Variants in KLHL26 observed in about 807,000 individuals in gnomAD.
KLHL26 encodes kelch-like protein 26.
KLHL26 carries 4 observed loss-of-function variants against 7.1 expected under a neutral mutation model. The ratio of observed to expected loss-of-function variants is 0.56; its 90% confidence interval spans 0.28 to 1.28. KLHL26 has a LOEUF of 1.28. KLHL26 is among the 50% of genes most tolerant of loss of function. The pLI, the probability that KLHL26 is intolerant of heterozygous loss-of-function variation, is 0.11. For synonymous variants in KLHL26, 465 were observed against 414.1 expected, an observed-to-expected ratio of 1.12 and a Z score of -1.49; for missense variants, 896 against 924.6, an observed-to-expected ratio of 0.97 and a Z score of 0.40.
intron 1 of KLHL26, among the ~76,000 whole-genome samples, chr19:18,662,723 C>T (rs946019581): frequency 2.0e-5 from 3 of 152,082 alleles, no homozygotes; most frequent in Non-Finnish European, 4.4e-5. Flanking sequence ...TAGGGGAGAG[C>T]GGCCCATGAG....
intron 1 of KLHL26, among the ~76,000 whole-genome samples, chr19:18,645,877 G>A (rs966654079): frequency 6.6e-6 from 1 of 151,950 alleles, no homozygotes; most frequent in Admixed American, 6.6e-5. Context: ...CCTGCTGAAA[G>A]TGTTTGCATG....
At chr19:18,642,338 A>AGTGTGTGTGTGT (rs1204260630) in intron 1 of KLHL26, among the ~76,000 whole-genome samples, 8,286 of 123,722 alleles carry the variant, frequency 0.067, 373 homozygotes, top group East Asian at 0.096. Context: ...CTAGTCACCT[A>AGTGTGTGTGTGT]GTGTGTGTGT....
rs75150228 is a variant in KLHL26, at chr19:18,645,910, C to T, written c.83+8773C>T. Among the ~76,000 whole-genome samples the T allele has an allele frequency of 8.6e-4, 130 of 152,046 alleles. No homozygotes were observed. In the South Asian group the frequency reaches 0.011, roughly 13 times the overall value. ...ATGGAAAGTTGTGGCCGAGACGCTG[C>T]GCCCGGTGGGTTTGTCACAGTCAGT... On this transcript the variant is annotated intron_variant, in intron 1 of 2. Transcript: ENST00000300976.
chr19:18,668,497 G>A lies in KLHL26; in HGVS notation c.1100G>A (p.Gly367Glu). The A allele has an allele frequency of 6.2e-7, 1 of 1,606,282 alleles. No individual in the cohort carries two copies. Among genetic ancestry groups the A allele is most frequent in the Admixed American group, 1.7e-5 (1 of 59,920 alleles). ...AVLDNFVYVA[G>E]GQHLQYRSGE... The stretch of plus-strand genomic sequence containing the variant: ...CTGGACAATTTTGTGTACGTGGCCG[G>A]GGGGCAGCACCTGCAGTACCGCAGC... Residue 367 changes from glycine (G) to glutamate (E), a missense_variant, in exon 3 of 3, where the codon GGG (glycine) becomes GAG (glutamate). Physicochemically the swap from Gly to Glu is moderately conservative, Grantham distance 98. Transcript: ENST00000300976.
intron 1 of KLHL26, among the ~76,000 whole-genome samples, chr19:18,658,813 G>C (rs2052361814): frequency 8.1e-6 from 1 of 123,582 alleles, no homozygotes. Context: ...TTCTCCTCTT[G>C]CTGGGCCTCC....
chr19:18,656,004 C>T lies in KLHL26; in HGVS notation c.84-8257C>T, dbSNP rs373118903. ...CAGGTGAGGGGTGGCCACACGTATC[C>T]ATCATCCACCCACCCATGCCTCCAG... On this transcript the variant is annotated intron_variant, in intron 1 of 2. Transcript: ENST00000300976. This position sits in a 1 kb window ranked among gnomAD's most constrained non-coding sequence, Gnocchi z 4.4. 3.3e-5 allele frequency among the ~76,000 whole-genome samples: 5 copies of T among 152,288 alleles called. No individual in the cohort carries two copies. The East Asian group carries it at 9.7e-4, about 29-fold the overall frequency.
rs1459423592 is a variant in KLHL26, at chr19:18,637,728, A to AG, written c.83+597dup. 1.1e-4 allele frequency among the ~76,000 whole-genome samples: 11 copies of AG among 95,946 alleles called. No individual in the cohort carries two copies. The South Asian group carries it at 2.1e-3, about 19-fold the overall frequency. 62.9% of individuals were successfully genotyped at this position (95,946 alleles called of 152,430 possible). ...GCCTGGGGTGGGTCTAGGGAACCTG[A>AG]GGGGGGTGAGAGAACTCCAGGGGGT... On this transcript the variant is annotated intron_variant, in intron 1 of 2. Transcript: ENST00000300976.
intron 1 of KLHL26, among the ~76,000 whole-genome samples, chr19:18,642,183 ACAGC>A (rs1160688426): frequency 1.3e-5 from 2 of 152,036 alleles, no homozygotes; most frequent in Non-Finnish European, 2.9e-5. Context: ...TGCAAATGGG[ACAGC>A]CAGGCCTGGA....
intron 1 of KLHL26, among the ~76,000 whole-genome samples, chr19:18,663,076 G>A (rs1051362946): frequency 2.0e-5 from 3 of 152,198 alleles, no homozygotes; most frequent in Admixed American, 6.5e-5. Context: ...CCGTGGCATT[G>A]GGCTCTGAGT....
At chr19:18,639,558 T>C (rs1374306533) in intron 1 of KLHL26, among the ~76,000 whole-genome samples, 2 of 151,530 alleles carry the variant, frequency 1.3e-5, no homozygotes, top group Non-Finnish European at 2.9e-5. Flanking sequence ...CACAGGTGCA[T>C]GCTACCATGC....
rs1252758025 is a variant in KLHL26, at chr19:18,668,511, C to T, written c.1114C>T (p.Gln372Ter). ...GTACGTGGCCGGGGGGCAGCACCTG[C>T]AGTACCGCAGCGGCGAGGGCGCAGT... is the stretch of plus-strand genomic sequence containing the variant. ...FVYVAGGQHL[Q>*]YRSGEGAVDA... Residue 372 changes from glutamine (Q) to a stop codon, truncating the protein, a stop_gained, in exon 3 of 3, where the codon CAG becomes TAG. Transcript: ENST00000300976. LOFTEE classifies it low-confidence loss of function (END_TRUNC). 4.4e-6 allele frequency: 7 copies of T among 1,602,572 alleles called. No individual in the cohort carries two copies. Among genetic ancestry groups the T allele is most frequent in the Non-Finnish European group, 6.0e-6 (7 of 1,176,366 alleles).
intron 1 of KLHL26, among the ~76,000 whole-genome samples, chr19:18,652,521 TGGA>T (rs2052271389): frequency 7.3e-6 from 1 of 136,840 alleles, no homozygotes; most frequent in Non-Finnish European, 1.5e-5. Context: ...ACCTGGGAGG[TGGA>T]GGTTGCAGAG....
chr19:18,659,163 C>T (rs886742721), intron 1 of KLHL26, among the ~76,000 whole-genome samples: 6 of 152,134 alleles, frequency 3.9e-5, no homozygotes, highest in Non-Finnish European at 8.8e-5. Context: ...GTCTCTGTCC[C>T]CTCCAAGTCT....
intron 1 of KLHL26, among the ~76,000 whole-genome samples, chr19:18,638,993 G>A (rs1359343893): frequency 6.6e-6 from 1 of 152,142 alleles, no homozygotes; most frequent in African/African-American, 2.4e-5. Flanking sequence ...GAGCCACCAT[G>A]CTGGGCATGG....
chr19:18,665,927 T>C (rs1190955576), intron 2 of KLHL26, among the ~76,000 whole-genome samples: 1 of 152,100 alleles, frequency 6.6e-6, no homozygotes, highest in African/African-American at 2.4e-5. Context: ...ATGAGGCTGT[T>C]GTGGGGGCCG....
chr19:18,667,386 C>T (rs543204712), intron 2 of KLHL26: 48 of 527,328 alleles, frequency 9.1e-5, no homozygotes, highest in African/African-American at 7.8e-4. Flanking sequence ...GACTGAGTCT[C>T]ACTCTGTCAC....
At position 18,656,688 on chromosome 19, in the gene KLHL26, C is replaced by CT; in HGVS notation, c.84-7572dup. Among the ~76,000 whole-genome samples the CT allele has an allele frequency of 7.5e-6, 1 of 132,514 alleles. No homozygotes were observed. The highest frequency in any genetic ancestry group is 2.5e-4 in the East Asian group (1 of 3,954). 86.9% of individuals were successfully genotyped at this position (132,514 alleles called of 152,430 possible). On this transcript the variant is annotated intron_variant, in intron 1 of 2. Coordinates refer to ENST00000300976, the MANE Select transcript of KLHL26 (RefSeq NM_018316.3). This position sits in a 1 kb window ranked among gnomAD's most constrained non-coding sequence, Gnocchi z 4.4. ...AGGCGCAACTCACGGCGAGCCCTGT[C>CT]TGCCTCAGTAGCGCGGGGCTCTTGG...
intron 2 of KLHL26, among the ~76,000 whole-genome samples, chr19:18,665,018 C>A (rs577475940): frequency 6.6e-6 from 1 of 151,092 alleles, no homozygotes; most frequent in Admixed American, 6.6e-5. Flanking sequence ...TTCTACCCTG[C>A]ATGCAGGGTG....
At chr19:18,643,700 A>G (rs1482883601) in intron 1 of KLHL26, among the ~76,000 whole-genome samples, 1 of 151,406 alleles carries the variant, frequency 6.6e-6, no homozygotes, top group Non-Finnish European at 1.5e-5. Flanking sequence ...CTGGTCTCGA[A>G]CTCCTGACCT....
Sources: allele counts gnomAD v4.1 joint callset (sites outside exome capture counted in the v4.1 genomes callset), GRCh38; gene constraint gnomAD v4.1.1; non-coding constraint Gnocchi (gnomAD v3.1); transcripts MANE v1.5; gene names NCBI Gene and HGNC (gene_info 2026-07-23, HGNC 2026-07-21).